AKAP12: variants seen among roughly 807,000 people sequenced by gnomAD.
AKAP12 encodes A-kinase anchoring protein 12.
A neutral mutation model predicts 79.9 loss-of-function variants in AKAP12; 32 were observed. The observed-to-expected ratio is 0.40, with a 90% confidence interval of 0.30 to 0.54. The LOEUF (loss-of-function observed/expected upper bound fraction) is 0.54, where lower values mean the gene tolerates loss of function less well. Ranked by LOEUF, AKAP12 falls within the 20% of genes least tolerant of loss-of-function variation. The pLI, the probability that AKAP12 is intolerant of heterozygous loss-of-function variation, is 0.48. For synonymous variants in AKAP12, 808 were observed against 857.0 expected (o/e 0.94, Z 1.00); for missense variants, 2,074 against 2,177.0 (o/e 0.95, Z 0.94).
At chr6:151,344,826 G>A (rs573278102) in intron 3 of AKAP12, among the ~76,000 whole-genome samples, 36 of 152,156 alleles carry the variant, frequency 2.4e-4, no homozygotes, top group South Asian at 4.1e-4. Context: ...GAGCCACCTC[G>A]CCCAGCCTAG....
intron 2 of AKAP12, among the ~76,000 whole-genome samples, chr6:151,277,808 G>A (rs980858752): frequency 2.6e-5 from 4 of 152,138 alleles, no homozygotes; most frequent in African/African-American, 9.7e-5. Context: ...GATTTTGTAA[G>A]GATTTACTCT....
At chr6:151,268,329 A>T (rs189588195) in intron 2 of AKAP12, among the ~76,000 whole-genome samples, 6 of 152,256 alleles carry the variant, frequency 3.9e-5, no homozygotes, top group Non-Finnish European at 7.4e-5. Flanking sequence ...AGGCAGAAGA[A>T]TTGCTTGAAC....
chr6:151,312,793 CA>C (rs55685824), intron 3 of AKAP12, among the ~76,000 whole-genome samples: 113 of 72,994 alleles, frequency 1.5e-3, no homozygotes, highest in African/African-American at 2.8e-3. Context: ...ACTCTGTCTC[CA>C]AAAAAAAAAA....
intron 3 of AKAP12, among the ~76,000 whole-genome samples, chr6:151,333,471 C>T (rs1777732705): frequency 1.3e-5 from 2 of 152,210 alleles, no homozygotes; most frequent in African/African-American, 2.4e-5. Flanking sequence ...CTTTCTCAGG[C>T]CGGGCGCAGT....
intron 2 of AKAP12, among the ~76,000 whole-genome samples, chr6:151,264,345 T>C (rs1362744594): frequency 5.1e-5 from 7 of 137,358 alleles, no homozygotes; most frequent in African/African-American, 1.9e-4. Flanking sequence ...GAATAAGATA[T>C]ACCTGGCCAA....
intron 2 of AKAP12, among the ~76,000 whole-genome samples, chr6:151,254,874 A>G (rs189940234): frequency 1.4e-3 from 215 of 152,306 alleles, no homozygotes; most frequent in African/African-American, 5.0e-3. Context: ...TCTGCATGAC[A>G]GGGAGGAATG....
intron 2 of AKAP12, among the ~76,000 whole-genome samples, chr6:151,246,002 G>A (rs1292597850): frequency 6.6e-6 from 1 of 152,138 alleles, no homozygotes; most frequent in Non-Finnish European, 1.5e-5. Context: ...ATTAATTTGG[G>A]TGCATAAATT....
intron 2 of AKAP12, among the ~76,000 whole-genome samples, chr6:151,294,121 G>C (rs1776675918): frequency 1.3e-5 from 2 of 152,118 alleles, no homozygotes; most frequent in South Asian, 4.2e-4. Context: ...CTACAGGCGA[G>C]TGCCACCATG....
chr6:151,257,196 T>C (rs1339144080), intron 2 of AKAP12, among the ~76,000 whole-genome samples: 1 of 152,130 alleles, frequency 6.6e-6, no homozygotes, highest in African/African-American at 2.4e-5. Context: ...TTTTCAACTC[T>C]TGCCCCCTCC....
In AKAP12 at chr6:151,351,474, G is replaced by A. The variant is rs1351487733; in HGVS notation, c.3083G>A (p.Gly1028Asp). ...ACTCCGGTGCAGGAGGTGGAAGGTG[G>A]CGTACCTGACATAGAAGAGCAAGAG... ...EATPVQEVEGGVPDIEEQERR... is the reference protein window; with the variant it reads ...EATPVQEVEGDVPDIEEQERR... Residue 1028 changes from glycine to aspartate, a missense_variant, in exon 4 of 5, where the codon GGC becomes GAC. This residue lies in a region of AKAP12 where 1,428 missense variants were observed against 1,451.0 expected (regional missense o/e 0.98). Transcript: ENST00000402676. The surrounding 1 kb of genome is among the most constrained non-coding windows in gnomAD (Gnocchi z 4.4). 1.9e-6 allele frequency: 3 copies of A among 1,614,060 alleles called. No individual in the cohort carries two copies. Among genetic ancestry groups the A allele is most frequent in the Non-Finnish European group, 2.5e-6 (3 of 1,180,042 alleles).
At chr6:151,255,104 A>G (rs1338448583) in intron 2 of AKAP12, among the ~76,000 whole-genome samples, 1 of 152,178 alleles carries the variant, frequency 6.6e-6, no homozygotes, top group Non-Finnish European at 1.5e-5. Flanking sequence ...ACCCTTGTCA[A>G]CAAAAATGAA....
intron 1 of AKAP12, 137 bp from the exon 2 acceptor site, chr6:151,240,247 G>T (rs1330093320): frequency 8.7e-6 from 2 of 230,470 alleles, no homozygotes; most frequent in East Asian, 1.6e-4. Flanking sequence ...AGCGCCTCTG[G>T]TCCCGGCAGC....
At chr6:151,315,331 C>A (rs1382983542) in intron 3 of AKAP12, among the ~76,000 whole-genome samples, 2 of 152,136 alleles carry the variant, frequency 1.3e-5, no homozygotes, top group Non-Finnish European at 2.9e-5. Context: ...GATGGTGCCA[C>A]CTATGTGTTC....
At chr6:151,275,992 A>G (rs1776285494) in intron 2 of AKAP12, among the ~76,000 whole-genome samples, 1 of 152,242 alleles carries the variant, frequency 6.6e-6, no homozygotes, top group African/African-American at 2.4e-5. Context: ...ATCGCTGGTA[A>G]ATAAAAATTA....
At chr6:151,310,056 C>G (rs1777058973) in intron 3 of AKAP12, among the ~76,000 whole-genome samples, 1 of 151,882 alleles carries the variant, frequency 6.6e-6, no homozygotes, top group Admixed American at 6.6e-5. Flanking sequence ...GTACGGTCTT[C>G]TCTTTGTTAA....
At chr6:151,261,109 C>A (rs776662315) in intron 2 of AKAP12, among the ~76,000 whole-genome samples, 6 of 151,278 alleles carry the variant, frequency 4.0e-5, no homozygotes, top group African/African-American at 1.2e-4. Flanking sequence ...ATGGTTTGGC[C>A]GGCTTCAGTG....
intron 2 of AKAP12, among the ~76,000 whole-genome samples, chr6:151,277,596 A>C (rs1465298471): frequency 6.6e-6 from 1 of 152,240 alleles, no homozygotes; most frequent in Non-Finnish European, 1.5e-5. Context: ...GTTAACTATT[A>C]GGGCTTACAA....
At chr6:151,320,624 G>T (rs546641937) in intron 3 of AKAP12, among the ~76,000 whole-genome samples, 1 of 152,082 alleles carries the variant, frequency 6.6e-6, no homozygotes, top group African/African-American at 2.4e-5. Context: ...CCACAGATTC[G>T]CACTGCATCT....
At chr6:151,315,045 C>T (rs1777204781) in intron 3 of AKAP12, among the ~76,000 whole-genome samples, 2 of 142,570 alleles carry the variant, frequency 1.4e-5, no homozygotes, top group South Asian at 4.5e-4. Context: ...GAGTGAGACT[C>T]TGTCTCAAGA....
Sources: gnomAD v4.1 joint callset for allele counts (sites outside exome capture counted in the v4.1 genomes callset) on GRCh38, gnomAD v4.1.1 for gene constraint, gnomAD v4.1.1 regional missense constraint, Gnocchi (gnomAD v3.1) non-coding constraint, MANE v1.5 for transcripts, NCBI Gene and HGNC (gene_info 2026-07-23, HGNC 2026-07-21) for gene names.